Variants in ZBTB47 observed in about 807,000 individuals in gnomAD.
The protein encoded by ZBTB47 is zinc finger and BTB domain-containing protein 47.
In ZBTB47, 24 loss-of-function variants were observed where a neutral mutation model predicts 56.6. That is an observed-to-expected ratio of 0.42 (90% CI 0.31 to 0.60). The LOEUF is 0.60. Among genes scored for constraint, ZBTB47 ranks in the 20% least tolerant of loss-of-function variants. The pLI is 0.14. For missense variants in ZBTB47, 829 were observed against 1,032.6 expected, an observed-to-expected ratio of 0.80 and a Z score of 2.70; for synonymous variants, 414 against 418.9, an observed-to-expected ratio of 0.99 and a Z score of 0.14.
rs1462738724 is a variant in ZBTB47 at position 42,654,919 on chromosome 3, G to A, written c.-82+1036G>A. Among the ~76,000 whole-genome samples the A allele has an allele frequency of 6.6e-6, 1 of 152,034 alleles. No individual in the cohort carries two copies. The highest frequency in any genetic ancestry group is 1.5e-5 in the Non-Finnish European group (1 of 67,956). On this transcript the variant is annotated intron_variant, in intron 1 of 5. Coordinates refer to ENST00000232974, the MANE Select transcript of ZBTB47 (RefSeq NM_145166.4). This position sits in a 1 kb window ranked among gnomAD's most constrained non-coding sequence, Gnocchi z 5.0. ...TCCTGTGGTGGGGGCGCCGGCGCGC[G>A]AGGCTGAGGTCTTGCTAGGCACCGG...
chr3:42,659,237 A>T lies in ZBTB47; in HGVS notation c.882A>T (p.Glu294Asp), dbSNP rs772129238. 9.7e-5 allele frequency: 148 copies of T among 1,529,914 alleles called. No individual in the cohort carries two copies. The highest frequency in any genetic ancestry group is 3.7e-4 in the Admixed American group (19 of 50,674). The allele number at this position is 1,529,914 out of a possible 1,614,324, so 94.8% of individuals were successfully genotyped here. Residue 294 changes from glutamate (E) to aspartate (D), a missense_variant, in exon 2 of 6, where the codon GAA (glutamate) becomes GAT (aspartate). Physicochemically the swap from Glu to Asp is conservative, Grantham distance 45. Transcript: ENST00000232974. ...EEEEEEEEEE[E>D]GGGSGREEEE... ...AGGAGGAGGAAGAAGAGGAAGAGGA[A>T]GGTGGTGGCAGTGGACGGGAGGAGG...
Position 42,658,516 on chromosome 3 carries a change from G to T in ZBTB47, c.161G>T (p.Arg54Leu). ...TTCACCCAGAACAAGCAGCTGCAGC[G>T]TGTGGAGCTGTCCCTGGAGGCACTG... ...SLFTQNKQLQ[R>L]VELSLEALAP... Residue 54 changes from arginine to leucine, a missense_variant, in exon 2 of 6, where the codon CGT (arginine) becomes CTT (leucine). Arg to Leu is a moderately radical substitution (Grantham distance 102). Around this residue, in one of 6 missense-constraint regions of ZBTB47, gnomAD observed 120 missense variants for 200.2 expected, o/e 0.60. Coordinates refer to ENST00000232974, the MANE Select transcript of ZBTB47 (RefSeq NM_145166.4). The T allele has an allele frequency of 6.5e-7, 1 of 1,537,218 alleles. No individual in the cohort carries two copies. Among genetic ancestry groups the T allele is most frequent in the Non-Finnish European group, 8.7e-7 (1 of 1,146,924 alleles).
At position 42,664,670 on chromosome 3, in the gene ZBTB47, C is replaced by T. The variant is rs951362988; in HGVS notation, c.*72C>T. ...CACTCCAGGAGGGACCCACTGCCTT[C>T]CCGGGGAGCACAGTAGTGCGGGCCT... On this transcript the variant is annotated 3_prime_UTR_variant, in exon 6 of 6. Transcript: ENST00000232974. 1.5e-6 allele frequency: 2 copies of T among 1,356,040 alleles called. No individual in the cohort carries two copies. Among genetic ancestry groups the T allele is most frequent in the East Asian group, 6.1e-5 (2 of 32,680 alleles). 84.0% of individuals were successfully genotyped at this position (1,356,040 alleles called of 1,614,324 possible). A position where few individuals can be genotyped will look rare whatever the true frequency, so the allele number is the denominator to read the frequency against.
In ZBTB47 at chr3:42,656,040, C is replaced by T. The variant is rs986185757; in HGVS notation, c.-82+2157C>T. ...AGGGAGAGCAGAGAGATCTGGGGCT[C>T]TGTTGCCTGGGGTGGACTTCCCCCA... On this transcript the variant is annotated intron_variant, in intron 1 of 5. Transcript: ENST00000232974. This position sits in a 1 kb window ranked among gnomAD's most constrained non-coding sequence, Gnocchi z 5.8. 3.9e-5 allele frequency among the ~76,000 whole-genome samples: 6 copies of T among 152,212 alleles called. No homozygotes were observed. Among genetic ancestry groups the T allele is most frequent in the Non-Finnish European group, 1.5e-5 (1 of 68,046 alleles).
At position 42,664,572 on chromosome 3, in the gene ZBTB47, G is replaced by A. The variant is rs1340297466; in HGVS notation, c.2218G>A (p.Gly740Ser). Residue 740 changes from glycine to serine, a missense_variant, in exon 6 of 6, where the codon GGC becomes AGC. Physicochemically the swap from Gly to Ser is moderately conservative, Grantham distance 56 (BLOSUM62 0). Around this residue, in one of 6 missense-constraint regions of ZBTB47, gnomAD observed 115 missense variants for 117.2 expected, o/e 0.98. Transcript: ENST00000232974. The stretch of plus-strand genomic sequence containing the variant: ...GCTCTTCCCCACCACTGCCAGCCCC[G>A]GCGGGAGGATGAACGCCAACAACTA... ...PPLFPTTASPGGRMNANN is the reference protein window; with the variant it reads ...PPLFPTTASPSGRMNANN 6 of 1,123,414 alleles carry A rather than the reference G, an allele frequency of 5.3e-6. No individual in the cohort carries two copies. The highest frequency in any genetic ancestry group is 1.8e-4 in the East Asian group (2 of 11,364). The allele number at this position is 1,123,414 out of a possible 1,614,324, so 69.6% of individuals were successfully genotyped here.
chr3:42,662,924 G>T, intron 3 of ZBTB47, 88 bp from the exon 4 acceptor site: 1 of 900,826 alleles, frequency 1.1e-6, no homozygotes. Flanking sequence ...GGTGGCACAG[G>T]GCTGCCCCAG....
At position 42,658,454 on chromosome 3, in the gene ZBTB47, T is replaced by C. The variant is rs1577625644; in HGVS notation, c.99T>C (p.Gly33=). Residue 33 remains glycine (G), a synonymous_variant, in exon 2 of 6, where the codon GGT becomes GGC. Transcript: ENST00000232974. ...GCAGCGTCTTTCCGGCACACAAGGG[T>C]GTGCTAGCCGCCTACAGCCAGTTCT... ...PQRSVFPAHK[G]VLAAYSQFFH... is the part of the protein sequence containing the mutation. The C allele has an allele frequency of 6.5e-7, 1 of 1,536,892 alleles. No individual in the cohort carries two copies. Among genetic ancestry groups the C allele is most frequent in the Non-Finnish European group, 8.7e-7 (1 of 1,146,894 alleles).
At position 42,659,437 on chromosome 3, in the gene ZBTB47, C is replaced by T. The variant is rs1710684388; in HGVS notation, c.1082C>T (p.Pro361Leu). 6.8e-7 allele frequency: 1 copy of T among 1,471,138 alleles called. No homozygotes were observed. Among genetic ancestry groups the T allele is most frequent in the Non-Finnish European group, 8.9e-7 (1 of 1,118,206 alleles). The allele number at this position is 1,471,138 out of a possible 1,614,324, so 91.1% of individuals were successfully genotyped here. A position where few individuals can be genotyped will look rare whatever the true frequency, so the allele number is the denominator to read the frequency against. Reference protein sequence around the residue: ...EEGEAGGKQGPRGSRSSRADP... With the variant: ...EEGEAGGKQGLRGSRSSRADP... Reference sequence around the variant, plus strand: ...GGGGAGGCTGGGGGCAAGCAGGGGCCACGGGGAAGCCGAAGCAGCCGGGCA... The same window carrying T: ...GGGGAGGCTGGGGGCAAGCAGGGGCTACGGGGAAGCCGAAGCAGCCGGGCA... Residue 361 changes from proline to leucine, a missense_variant, in exon 2 of 6, where the codon CCA becomes CTA. Transcript: ENST00000232974.
Position 42,664,397 on chromosome 3 carries a change from G to A in ZBTB47, c.2043G>A (p.Lys681=). 2.5e-6 allele frequency: 4 copies of A among 1,591,820 alleles called. No homozygotes were observed. Among genetic ancestry groups the A allele is most frequent in the Non-Finnish European group, 3.4e-6 (4 of 1,170,524 alleles). The change falls in exon 6 of 6, where the codon AAG becomes AAA. Residue 681 remains lysine (K), a synonymous_variant. Transcript: ENST00000232974. ...FSNMLKAHKE[K]CFRVSHTLAG... ...ACATGCTCAAGGCCCACAAGGAGAA[G>A]TGCTTCCGCGTCAGCCACACCCTGG...
rs2125835380 is a variant in ZBTB47 at position 42,654,719 on chromosome 3, C to T, written c.-82+836C>T. The T allele has an allele frequency of 1.0e-6, 1 of 985,062 alleles. No individual in the cohort carries two copies. The highest frequency in any genetic ancestry group is 1.2e-6 in the Non-Finnish European group (1 of 829,762). The allele number at this position is 985,062 out of a possible 1,614,324, so 61.0% of individuals were successfully genotyped here. A position where few individuals can be genotyped will look rare whatever the true frequency, so the allele number is the denominator to read the frequency against. Reference sequence around the variant, plus strand: ...TGGTACGCAGGGCCCTGCCTGTCCCCCCGCTTATCCGCCCACCTGCCAGCT... The same window carrying T: ...TGGTACGCAGGGCCCTGCCTGTCCCTCCGCTTATCCGCCCACCTGCCAGCT... On this transcript the variant is annotated intron_variant, in intron 1 of 5. Coordinates refer to ENST00000232974, the MANE Select transcript of ZBTB47 (RefSeq NM_145166.4). This position sits in a 1 kb window ranked among gnomAD's most constrained non-coding sequence, Gnocchi z 5.0.
At position 42,664,110 on chromosome 3, in the gene ZBTB47, G is replaced by A. The variant is rs113872183; in HGVS notation, c.1883-127G>A. On this transcript the variant is annotated intron_variant, in intron 5 of 5. Coordinates refer to ENST00000232974, the MANE Select transcript of ZBTB47 (RefSeq NM_145166.4). Reference sequence around the variant, plus strand: ...GGTGAGGCTGGCACAAAATGCCCCAGGGTCGGGGAGGATCTGAGAGCGCCG... The same window carrying A: ...GGTGAGGCTGGCACAAAATGCCCCAAGGTCGGGGAGGATCTGAGAGCGCCG... 5.4e-6 allele frequency: 8 copies of A among 1,475,834 alleles called. No homozygotes were observed. In the African/African-American group the frequency reaches 9.8e-5, roughly 18 times the overall value. The allele number at this position is 1,475,834 out of a possible 1,614,324, so 91.4% of individuals were successfully genotyped here.
In ZBTB47 at chr3:42,654,659, G is replaced by A. The variant is rs1294499047; in HGVS notation, c.-82+776G>A. 2.0e-6 allele frequency: 2 copies of A among 984,532 alleles called. No individual in the cohort carries two copies. Among genetic ancestry groups the A allele is most frequent in the East Asian group, 1.1e-4 (1 of 8,766 alleles). 61.0% of individuals were successfully genotyped at this position (984,532 alleles called of 1,614,324 possible). On this transcript the variant is annotated intron_variant, in intron 1 of 5. Coordinates refer to ENST00000232974, the MANE Select transcript of ZBTB47 (RefSeq NM_145166.4). This position sits in a 1 kb window ranked among gnomAD's most constrained non-coding sequence, Gnocchi z 5.0. ...TGGCCGCCGGGGGCAGCGCGATCCC[G>A]CGGGGCCCTGTGAGCCCCCAGCGCC...
In ZBTB47 at chr3:42,659,170, T is replaced by G; in HGVS notation, c.815T>G (p.Leu272Arg). Residue 272 changes from leucine (L) to arginine (R), a missense_variant, in exon 2 of 6, where the codon CTG (leucine) becomes CGG (arginine). Coordinates refer to ENST00000232974, the MANE Select transcript of ZBTB47 (RefSeq NM_145166.4). Reference sequence around the variant, plus strand: ...GTGGTTCTGGGCCGGGAGGACGGGCTGCAGAGACACTCGGACGAGGAGGAG... The same window carrying G: ...GTGGTTCTGGGCCGGGAGGACGGGCGGCAGAGACACTCGGACGAGGAGGAG... Reference protein sequence around the residue: ...ATVVLGREDGLQRHSDEEEED... With the variant: ...ATVVLGREDGRQRHSDEEEED... 6.6e-7 allele frequency: 1 copy of G among 1,520,488 alleles called. No individual in the cohort carries two copies. Among genetic ancestry groups the G allele is most frequent in the Non-Finnish European group, 8.8e-7 (1 of 1,138,848 alleles). 94.2% of individuals were successfully genotyped at this position (1,520,488 alleles called of 1,614,324 possible). A position where few individuals can be genotyped will look rare whatever the true frequency, so the allele number is the denominator to read the frequency against.
In ZBTB47 at chr3:42,666,017, C is replaced by T. The variant is rs1710784450; in HGVS notation, c.*1419C>T. ...CGACACTATTGCCTTCCCAGCATGG[C>T]TGGAGTGGGAAGAGGCTTGGGCCCC... On this transcript the variant is annotated 3_prime_UTR_variant, in exon 6 of 6. Coordinates refer to ENST00000232974, the MANE Select transcript of ZBTB47 (RefSeq NM_145166.4). 6.6e-6 allele frequency among the ~76,000 whole-genome samples: 1 copy of T among 152,184 alleles called. No homozygotes were observed. The highest frequency in any genetic ancestry group is 2.1e-4 in the South Asian group (1 of 4,828).
chr3:42,660,721 G>A (rs1710704335), intron 2 of ZBTB47, among the ~76,000 whole-genome samples: 1 of 152,208 alleles, frequency 6.6e-6, no homozygotes, highest in African/African-American at 2.4e-5. Context: ...CCCCACCCTT[G>A]TGTACCTGTG....
Position 42,659,500 on chromosome 3 carries a change from G to C in ZBTB47, c.1145G>C (p.Arg382Pro). ...PPHSHMATRS[R>P]ENARRRGTPE... is the part of the protein sequence containing the mutation. ...CACAGTCACATGGCCACACGGTCCC[G>C]GGAGAACGCCCGGCGCCGGGGTACC... is the stretch of plus-strand genomic sequence containing the variant. The change falls in exon 2 of 6, where the codon CGG becomes CCG. Residue 382 changes from arginine to proline, a missense_variant. Transcript: ENST00000232974. 6.5e-7 allele frequency: 1 copy of C among 1,536,916 alleles called. No homozygotes were observed. Among genetic ancestry groups the C allele is most frequent in the Non-Finnish European group, 8.7e-7 (1 of 1,145,292 alleles).
chr3:42,664,156 TC>T, intron 5 of ZBTB47, 80 bp from the exon 6 acceptor site: 2 of 1,567,646 alleles, frequency 1.3e-6, no homozygotes, highest in Admixed American at 3.6e-5. Context: ...CCACTATGGC[TC>T]CATGGGAGAC....
Position 42,667,024 on chromosome 3 carries a change from G to C in ZBTB47, c.*2426G>C, listed in dbSNP as rs569732751. 1.3e-5 allele frequency among the ~76,000 whole-genome samples: 2 copies of C among 152,240 alleles called. No individual in the cohort carries two copies. Among genetic ancestry groups the C allele is most frequent in the African/African-American group, 4.8e-5 (2 of 41,454 alleles). On this transcript the variant is annotated 3_prime_UTR_variant, in exon 6 of 6. Transcript: ENST00000232974. ...AGACCACAAGGCCAGAAGCAATAATGGCACCTCAGCAGTTCCAGTATGGAT... is the reference window on the plus strand; with the variant it reads ...AGACCACAAGGCCAGAAGCAATAATCGCACCTCAGCAGTTCCAGTATGGAT...
rs756176426 is a variant in ZBTB47, at chr3:42,666,653, C to T, written c.*2055C>T. Among the ~76,000 whole-genome samples the T allele has an allele frequency of 2.4e-4, 37 of 152,204 alleles. No individual in the cohort carries two copies. The highest frequency in any genetic ancestry group is 4.1e-4 in the Non-Finnish European group (28 of 68,034). ...CACTGGTGGTGTCATCACCTGCTGG[C>T]CCCACTACAGCCTGAGTAGGCCTGA... On this transcript the variant is annotated 3_prime_UTR_variant, in exon 6 of 6. Coordinates refer to ENST00000232974, the MANE Select transcript of ZBTB47 (RefSeq NM_145166.4).
Sources: gnomAD v4.1 joint callset for allele counts (sites outside exome capture counted in the v4.1 genomes callset) on GRCh38, gnomAD v4.1.1 for gene constraint, gnomAD v4.1.1 regional missense constraint, Gnocchi (gnomAD v3.1) non-coding constraint, MANE v1.5 for transcripts, NCBI Gene and HGNC (gene_info 2026-07-23, HGNC 2026-07-21) for gene names.